Variants in C1QL3 observed in about 807,000 individuals in gnomAD.
C1QL3 encodes complement C1q-like protein 3.
In C1QL3, 4 loss-of-function variants were observed where a neutral mutation model predicts 16.6. The ratio of observed to expected loss-of-function variants is 0.24; its 90% CI spans 0.12 to 0.55. C1QL3 has a LOEUF of 0.55. C1QL3 is among the 20% of genes least tolerant of loss of function. The probability of loss-of-function intolerance (pLI) is 0.94; values close to 1 mark genes in which losing one functional copy is unlikely to be tolerated. For synonymous variants in C1QL3, 189 were observed against 160.2 expected, an observed-to-expected ratio of 1.18 and a Z score of -1.36; for missense variants, 269 against 365.6, an observed-to-expected ratio of 0.74 and a Z score of 2.16.
In C1QL3 at chr10:16,518,478, A is replaced by G. The variant is rs141540968; in HGVS notation, c.588+2000T>C. Among the ~76,000 whole-genome samples, 299 of 152,358 alleles carry G rather than the reference A, an allele frequency of 2.0e-3. 2 individuals are homozygous for G. Among genetic ancestry groups the G allele is most frequent in the Non-Finnish European group, 3.0e-3 (202 of 68,034 alleles). On this transcript the variant is annotated intron_variant, in intron 1 of 1. Transcript: ENST00000298943. ...CTGATCCTCATGGAATGTGTGTGCT[A>G]GTGTGATACAAAGGAAGATTTTACA...
chr10:16,520,393 C>A lies in C1QL3; in HGVS notation c.588+85G>T. The A allele has an allele frequency of 4.6e-6, 5 of 1,087,716 alleles. No individual in the cohort carries two copies. In the South Asian group the frequency reaches 8.0e-5, roughly 17 times the overall value. 67.4% of individuals were successfully genotyped at this position (1,087,716 alleles called of 1,614,324 possible). On this transcript the variant is annotated intron_variant, in intron 1 of 1. Coordinates refer to ENST00000298943, the MANE Select transcript of C1QL3 (RefSeq NM_001010908.2). This position sits in a 1 kb window ranked among gnomAD's most constrained non-coding sequence, Gnocchi z 8.3. ...GCCGCGCCCTTCCTCCGCGGGCTCC[C>A]ACCCCCATTTCCGGGGTCTCCTCCC... is the stretch of plus-strand genomic sequence containing the variant.
chr10:16,519,140 C>CTTTTGTTTTTTTTTTTTTTTTTTTTTT (rs1836996703), intron 1 of C1QL3, among the ~76,000 whole-genome samples: 1 of 39,476 alleles, frequency 2.5e-5, no homozygotes, highest in Non-Finnish European at 4.4e-5. Context: ...GCATTTAGGA[C>CTTTTGTTTTTTTTTTTTTTTTTTTTTT]TTTTTTTTTT....
intron 1 of C1QL3, among the ~76,000 whole-genome samples, chr10:16,519,140 C>CTTTTTTTTTTTTTTGTTTTT (rs1836997171): frequency 2.5e-5 from 1 of 39,476 alleles, no homozygotes; most frequent in Non-Finnish European, 4.4e-5. Flanking sequence ...GCATTTAGGA[C>CTTTTTTTTTTTTTTGTTTTT]TTTTTTTTTT....
Position 16,520,143 on chromosome 10 carries a change from G to A in C1QL3, c.588+335C>T, listed in dbSNP as rs1361920666. 6.6e-6 allele frequency among the ~76,000 whole-genome samples: 1 copy of A among 152,178 alleles called. No individual in the cohort carries two copies. The highest frequency in any genetic ancestry group is 1.5e-5 in the Non-Finnish European group (1 of 68,022). ...GTTGCGGAGGATCCCACGGCCAGGG[G>A]TCGCTTCCCGCGCCGGGACTCCCCA... On this transcript the variant is annotated intron_variant, in intron 1 of 1. Transcript: ENST00000298943. The surrounding 1 kb of genome is among the most constrained non-coding windows in gnomAD (Gnocchi z 8.3).
In C1QL3 at chr10:16,514,420, C is replaced by A. The variant is rs989865539; in HGVS notation, c.*108G>T. On this transcript the variant is annotated 3_prime_UTR_variant, in exon 2 of 2. Coordinates refer to ENST00000298943, the MANE Select transcript of C1QL3 (RefSeq NM_001010908.2). The stretch of plus-strand genomic sequence containing the variant: ...AGCATTTGATTTCCCCACATATACA[C>A]AACTGAGGTGCCCTGCCATTGGCAT... 3 of 851,318 alleles carry A rather than the reference C, an allele frequency of 3.5e-6. No individual in the cohort carries two copies. The highest frequency in any genetic ancestry group is 5.7e-6 in the Non-Finnish European group (3 of 526,232). 52.7% of individuals were successfully genotyped at this position (851,318 alleles called of 1,614,324 possible). A position where few individuals can be genotyped will look rare whatever the true frequency, so the allele number is the denominator to read the frequency against.
intron 1 of C1QL3, among the ~76,000 whole-genome samples, chr10:16,518,787 C>T (rs1315931585): frequency 6.6e-6 from 1 of 152,078 alleles, no homozygotes; most frequent in African/African-American, 2.4e-5. Context: ...CAGACCTGAC[C>T]TTTGAGTCAG....
chr10:16,514,810 G>A (rs927233014), intron 1 of C1QL3, 103 bp from the exon 2 acceptor site: 1 of 815,316 alleles, frequency 1.2e-6, no homozygotes, highest in African/African-American at 1.7e-5. Flanking sequence ...CCATAGTACA[G>A]AATTTAGCAT....
rs150872441 is a variant in C1QL3 at position 16,518,664 on chromosome 10, A to G, written c.588+1814T>C. 4.5e-3 allele frequency among the ~76,000 whole-genome samples: 686 copies of G among 152,320 alleles called. 2 individuals carry two copies. The highest frequency in any genetic ancestry group is 0.015 in the African/African-American group (643 of 41,568). ...TCCCTTCTTTTTTCATGCAATTGCA[A>G]TTTCCAGATATTTAAAGATGTGAGC... On this transcript the variant is annotated intron_variant, in intron 1 of 1. Coordinates refer to ENST00000298943, the MANE Select transcript of C1QL3 (RefSeq NM_001010908.2).
In C1QL3 at chr10:16,514,703, C is replaced by T. The variant is rs1305027679; in HGVS notation, c.593G>A (p.Arg198His). Residue 198 changes from arginine to histidine, a missense_variant, in exon 2 of 2, where the codon CGT (arginine) becomes CAT (histidine). Physicochemically the swap from Arg to His is conservative, Grantham distance 29. Around this residue, in one of 2 missense-constraint regions of C1QL3, gnomAD observed 246 missense variants for 297.2 expected, o/e 0.83. Coordinates refer to ENST00000298943, the MANE Select transcript of C1QL3 (RefSeq NM_001010908.2). ...WADLCKNNQV[R>H]ASAIAQDADQ... ...AGCATCTTGGGCAATTGCACTAGCA[C>T]GCACCTATGTGAAACAGACAAGAAT... 8.1e-6 allele frequency: 13 copies of T among 1,609,122 alleles called. No individual in the cohort carries two copies. The highest frequency in any genetic ancestry group is 1.1e-5 in the South Asian group (1 of 89,958).
Position 16,521,567 on chromosome 10 carries a change from G to GCCT in C1QL3, c.-505_-503dup, listed in dbSNP as rs71374694. 4,502 of 152,930 alleles carry GCCT rather than the reference G, an allele frequency of 0.029. 85 individuals are homozygous for GCCT. The highest frequency in any genetic ancestry group is 0.042 in the Non-Finnish European group (2,845 of 68,390). 9.5% of individuals were successfully genotyped at this position (152,930 alleles called of 1,614,324 possible). A position where few individuals can be genotyped will look rare whatever the true frequency, so the allele number is the denominator to read the frequency against. On this transcript the variant is annotated 5_prime_UTR_variant, in exon 1 of 2. Transcript: ENST00000298943. ...TTTCCGTCTGAAGTTGCCTTTTTCT[G>GCCT]CCTCCTCCTCCTCTTCTTTCGCTCG...
intron 1 of C1QL3, among the ~76,000 whole-genome samples, chr10:16,519,993 T>G (rs1242695960): frequency 6.6e-6 from 1 of 151,978 alleles, no homozygotes; most frequent in Non-Finnish European, 1.5e-5. Flanking sequence ...TTGGACTCAT[T>G]CCTTCGGGGC....
Position 16,514,076 on chromosome 10 carries a change from C to A in C1QL3, c.*452G>T. On this transcript the variant is annotated 3_prime_UTR_variant, in exon 2 of 2. Transcript: ENST00000298943. ...CAGCATTATTTCAATTAGACCTTCT[C>A]CTGCAGGGCAAAAATCATTCTTCCC... The A allele has an allele frequency of 2.7e-6, 1 of 372,656 alleles. No individual in the cohort carries two copies. The highest frequency in any genetic ancestry group is 4.8e-6 in the Non-Finnish European group (1 of 209,588). 23.1% of individuals were successfully genotyped at this position (372,656 alleles called of 1,614,324 possible).
chr10:16,521,302 G>T lies in C1QL3; in HGVS notation c.-237C>A, dbSNP rs1219475795. On this transcript the variant is annotated 5_prime_UTR_variant, in exon 1 of 2. Coordinates refer to ENST00000298943, the MANE Select transcript of C1QL3 (RefSeq NM_001010908.2). ...CTGCGGCTGGGGAGGGAGCGCGGGC[G>T]CCCAGTGACTTGAGCCGAAGTCCCG... is the stretch of plus-strand genomic sequence containing the variant. 2.1e-6 allele frequency: 1 copy of T among 474,640 alleles called. No individual in the cohort carries two copies. Among genetic ancestry groups the T allele is most frequent in the Non-Finnish European group, 3.7e-6 (1 of 270,338 alleles). 29.4% of individuals were successfully genotyped at this position (474,640 alleles called of 1,614,324 possible). A position where few individuals can be genotyped will look rare whatever the true frequency, so the allele number is the denominator to read the frequency against.
chr10:16,520,498 C>T lies in C1QL3; in HGVS notation c.568G>A (p.Asp190Asn). The part of the protein sequence containing the change: ...RGGDGTSMWA[D>N]LCKNNQVRAS... ...CTCACCTGGTTGTTTTTGCAGAGAT[C>T]AGCCCACATGCTGGTGCCGTCCCCT... Residue 190 changes from aspartate (D) to asparagine (N), a missense_variant, in exon 1 of 2, where the codon GAT (aspartate) becomes AAT (asparagine). Coordinates refer to ENST00000298943, the MANE Select transcript of C1QL3 (RefSeq NM_001010908.2). This position sits in a 1 kb window ranked among gnomAD's most constrained non-coding sequence, Gnocchi z 8.3. 6.9e-7 allele frequency: 1 copy of T among 1,449,546 alleles called. No homozygotes were observed. Among genetic ancestry groups the T allele is most frequent in the Non-Finnish European group, 9.3e-7 (1 of 1,076,308 alleles). The allele number at this position is 1,449,546 out of a possible 1,614,324, so 89.8% of individuals were successfully genotyped here.
In C1QL3 at chr10:16,520,434, C is replaced by A. The variant is rs779373082; in HGVS notation, c.588+44G>T. On this transcript the variant is annotated intron_variant, in intron 1 of 1. Coordinates refer to ENST00000298943, the MANE Select transcript of C1QL3 (RefSeq NM_001010908.2). This position sits in a 1 kb window ranked among gnomAD's most constrained non-coding sequence, Gnocchi z 8.3. ...GTCTCCTCCCTCTCGCCCGCACCTT[C>A]CCGCGCTCCCTCCCCGCCCTCCCCG... The A allele has an allele frequency of 6.1e-5, 84 of 1,368,240 alleles. No individual in the cohort carries two copies. The highest frequency in any genetic ancestry group is 5.0e-4 in the Middle Eastern group (2 of 4,018). 84.8% of individuals were successfully genotyped at this position (1,368,240 alleles called of 1,614,324 possible). A position where few individuals can be genotyped will look rare whatever the true frequency, so the allele number is the denominator to read the frequency against.
At position 16,515,948 on chromosome 10, in the gene C1QL3, G is replaced by A. The variant is rs1836943001; in HGVS notation, c.589-1241C>T. 6.6e-5 allele frequency among the ~76,000 whole-genome samples: 10 copies of A among 152,152 alleles called. No individual in the cohort carries two copies. The South Asian group carries it at 2.1e-3, about 31-fold the overall frequency. ...TTGGCAAAATGAGAGAAATGAGACA[G>A]AAGTCAAGAATTTCCATGCATTTCT... On this transcript the variant is annotated intron_variant, in intron 1 of 1. Coordinates refer to ENST00000298943, the MANE Select transcript of C1QL3 (RefSeq NM_001010908.2).
intron 1 of C1QL3, among the ~76,000 whole-genome samples, chr10:16,516,290 A>G (rs1836950227): frequency 6.6e-6 from 1 of 152,190 alleles, no homozygotes. Context: ...TTAAATAATG[A>G]CGCAGTTTGA....
chr10:16,518,741 C>G (rs1836990299), intron 1 of C1QL3, among the ~76,000 whole-genome samples: 1 of 151,984 alleles, frequency 6.6e-6, no homozygotes, highest in Non-Finnish European at 1.5e-5. Flanking sequence ...TAATTGATAC[C>G]TCTAAAAATC....
chr10:16,516,196 T>C (rs1836948967), intron 1 of C1QL3, among the ~76,000 whole-genome samples: 1 of 152,192 alleles, frequency 6.6e-6, no homozygotes, highest in South Asian at 2.1e-4. Flanking sequence ...ACTAATATAA[T>C]GAAAGCAATA....
Sources: allele counts gnomAD v4.1 joint callset (sites outside exome capture counted in the v4.1 genomes callset), GRCh38; gene constraint gnomAD v4.1.1; regional missense constraint gnomAD v4.1.1; non-coding constraint Gnocchi (gnomAD v3.1); transcripts MANE v1.5; gene names NCBI Gene and HGNC (gene_info 2026-07-23, HGNC 2026-07-21).